Variants in CEP131 observed in about 807,000 individuals in gnomAD.
CEP131 encodes the protein centrosomal protein 131.
In CEP131, 99 loss-of-function variants were observed where a neutral mutation model predicts 136.8. The observed-to-expected ratio is 0.72, with a 90% CI of 0.62 to 0.86. The LOEUF (loss-of-function observed/expected upper bound fraction) is 0.86. Ranked by LOEUF, CEP131 falls within the 40% of genes least tolerant of loss-of-function variation. The pLI is 0.00. For missense variants in CEP131, 1,459 were observed against 1,463.0 expected (o/e 1.00, Z 0.04); for synonymous variants, 646 against 612.7 (o/e 1.05, Z -0.80).
intron 18 of CEP131, among the ~76,000 whole-genome samples, chr17:81,193,168 C>A (rs2061681198): frequency 6.6e-6 from 1 of 152,236 alleles, no homozygotes; most frequent in Non-Finnish European, 1.5e-5. Flanking sequence ...CAGCATTGCC[C>A]CACGGGCATG....
chr17:81,199,891 C>G, intron 8 of CEP131, 56 bp from the exon 9 acceptor site: 2 of 1,563,696 alleles, frequency 1.3e-6, no homozygotes. Context: ...GAATCCAGAC[C>G]CAGACCAGAG....
Position 81,192,605 on chromosome 17 carries a change from G to A in CEP131, c.2430-12C>T. 1.2e-6 allele frequency: 2 copies of A among 1,600,612 alleles called. No homozygotes were observed. The highest frequency in any genetic ancestry group is 1.7e-6 in the Non-Finnish European group (2 of 1,177,958). ...GCTCCGCCCGCTGCCTGCGGCCAGGGAGGAGTCAGCAGGTGAGGGGTCATC... is the reference window on the plus strand; with the variant it reads ...GCTCCGCCCGCTGCCTGCGGCCAGGAAGGAGTCAGCAGGTGAGGGGTCATC... On this transcript the variant is annotated splice_polypyrimidine_tract_variant and intron_variant, in intron 19 of 25. Transcript: ENST00000450824.
intron 13 of CEP131, 140 bp from the exon 14 acceptor site, chr17:81,197,195 G>A (rs1250974234): frequency 1.6e-6 from 2 of 1,265,266 alleles, no homozygotes; most frequent in Non-Finnish European, 2.1e-6. Flanking sequence ...CCGGAGGGCA[G>A]GTGGCAGGCG....
intron 5 of CEP131, among the ~76,000 whole-genome samples, chr17:81,204,376 C>T (rs1317477708): frequency 2.6e-5 from 4 of 152,140 alleles, no homozygotes; most frequent in South Asian, 2.1e-4. Context: ...GCAGTGCAAC[C>T]GGGCAGCCAG....
At chr17:81,214,187 C>T (rs1028462202) in intron 2 of CEP131, among the ~76,000 whole-genome samples, 4 of 152,214 alleles carry the variant, frequency 2.6e-5, no homozygotes, top group Non-Finnish European at 5.9e-5. Context: ...AGACTGGGTG[C>T]GGTACAGGGG....
At position 81,203,710 on chromosome 17, in the gene CEP131, T is replaced by C. The variant is rs2061945231; in HGVS notation, c.516-103A>G. Reference sequence around the variant, plus strand: ...ACGGGCTGGGAGGGAACAAAGGCCTTCAGTGCTTGCTACGTGCTGGCAGCA... The same window carrying C: ...ACGGGCTGGGAGGGAACAAAGGCCTCCAGTGCTTGCTACGTGCTGGCAGCA... On this transcript the variant is annotated intron_variant, in intron 5 of 25. Coordinates refer to ENST00000450824, the MANE Select transcript of CEP131 (RefSeq NM_014984.4). This position sits in a 1 kb window ranked among gnomAD's most constrained non-coding sequence, Gnocchi z 4.6. 2.4e-6 allele frequency: 2 copies of C among 846,598 alleles called. No homozygotes were observed. The highest frequency in any genetic ancestry group is 3.4e-5 in the African/African-American group (2 of 59,032). 52.4% of individuals were successfully genotyped at this position (846,598 alleles called of 1,614,324 possible).
At chr17:81,222,157 G>A (rs555040717) in intron 1 of CEP131, among the ~76,000 whole-genome samples, 1 of 152,210 alleles carries the variant, frequency 6.6e-6, no homozygotes, top group Non-Finnish European at 1.5e-5. Context: ...GATGGCGAAC[G>A]GGGCCTCTCC....
intron 10 of CEP131, 134 bp downstream of exon 10, chr17:81,199,247 C>T (rs2061836091): frequency 1.8e-6 from 2 of 1,105,528 alleles, no homozygotes; most frequent in Admixed American, 2.8e-5. Flanking sequence ...GGGGCCAAGG[C>T]CCCTAACTCC....
rs776115714 is a variant in CEP131 at position 81,192,304 on chromosome 17, G to A, written c.2622+14C>T. On this transcript the variant is annotated intron_variant, in intron 21 of 25. Transcript: ENST00000450824. Reference sequence around the variant, plus strand: ...GCCCCCAACCCCTGCCCACCTGGGTGCCCAGGCCCCCACCTCCTTCCTGGT... The same window carrying A: ...GCCCCCAACCCCTGCCCACCTGGGTACCCAGGCCCCCACCTCCTTCCTGGT... 4 of 1,548,992 alleles carry A rather than the reference G, an allele frequency of 2.6e-6. No individual in the cohort carries two copies. In the African/African-American group the frequency reaches 4.1e-5, roughly 16 times the overall value.
chr17:81,207,174 G>C lies in CEP131; in HGVS notation c.338C>G (p.Ala113Gly). Residue 113 changes from alanine (A) to glycine (G), a missense_variant, in exon 4 of 26, where the codon GCC becomes GGC. By Grantham distance (60) the Ala-to-Gly change is moderately conservative (BLOSUM62 0). Coordinates refer to ENST00000450824, the MANE Select transcript of CEP131 (RefSeq NM_014984.4). ...CTCGCTGGGGGCTGTGCTCAGGCTGGCAGGCCTCTTTTTCCCACTGGGGCT... is the reference window on the plus strand; with the variant it reads ...CTCGCTGGGGGCTGTGCTCAGGCTGCCAGGCCTCTTTTTCCCACTGGGGCT... ...EGSPSGKKRP[A>G]SLSTAPSEKG... 1 of 1,613,570 alleles carries C rather than the reference G, an allele frequency of 6.2e-7. No homozygotes were observed. Among genetic ancestry groups the C allele is most frequent in the Non-Finnish European group, 8.5e-7 (1 of 1,179,908 alleles).
Position 81,219,916 on chromosome 17 carries a change from G to A in CEP131, c.141C>T (p.Ser47=), listed in dbSNP as rs1317775018. Residue 47 remains serine, a synonymous_variant, in exon 2 of 26, where the codon TCC becomes TCT. Coordinates refer to ENST00000450824, the MANE Select transcript of CEP131 (RefSeq NM_014984.4). The surrounding 1 kb of genome is among the most constrained non-coding windows in gnomAD (Gnocchi z 4.0). ...ATTKPIVRSV[S]VVTGSEQKRK... ...TCTTCTGCTCGCTGCCTGTGACCAC[G>A]GAGACAGAGCGGACGATGGGCTTGG... 27 of 1,610,680 alleles carry A rather than the reference G, an allele frequency of 1.7e-5. No homozygotes were observed. The highest frequency in any genetic ancestry group is 6.7e-5 in the African/African-American group (5 of 74,724).
At position 81,207,808 on chromosome 17, in the gene CEP131, C is replaced by T. The variant is rs994240711; in HGVS notation, c.273-569G>A. 8.4e-5 allele frequency among the ~76,000 whole-genome samples: 12 copies of T among 142,320 alleles called. No homozygotes were observed. The South Asian group carries it at 2.2e-3, about 26-fold the overall frequency. 93.4% of individuals were successfully genotyped at this position (142,320 alleles called of 152,430 possible). A position where few individuals can be genotyped will look rare whatever the true frequency, so the allele number is the denominator to read the frequency against. On this transcript the variant is annotated intron_variant, in intron 3 of 25. Coordinates refer to ENST00000450824, the MANE Select transcript of CEP131 (RefSeq NM_014984.4). ...CACTGCCACCCTGCCCCATGGGAGGCCACAGCTGCGCCGAACACAACTGAT... is the reference window on the plus strand; with the variant it reads ...CACTGCCACCCTGCCCCATGGGAGGTCACAGCTGCGCCGAACACAACTGAT...
chr17:81,202,100 C>CA (rs548272114), intron 7 of CEP131, 140 bp downstream of exon 7: 159,578 of 391,454 alleles, frequency 0.41, 23,097 homozygotes, highest in East Asian at 0.59. Flanking sequence ...GACTCTGTCT[C>CA]AAAAAAAAAA....
chr17:81,193,407 G>A (rs1041893982), intron 18 of CEP131, among the ~76,000 whole-genome samples: 1 of 152,190 alleles, frequency 6.6e-6, no homozygotes, highest in Non-Finnish European at 1.5e-5. Flanking sequence ...TCCTGGTGGC[G>A]CAGACAGTGC....
Position 81,191,268 on chromosome 17 carries a change from A to G in CEP131, c.2690T>C (p.Ile897Thr). 2 of 1,613,438 alleles carry G rather than the reference A, an allele frequency of 1.2e-6. No individual in the cohort carries two copies. Among genetic ancestry groups the G allele is most frequent in the Non-Finnish European group, 8.5e-7 (1 of 1,179,926 alleles). ...CTCCAGCCGGTGAATGACCAGCTCA[A>G]TCTCCTTGTCCCGGCCTTTCCGGAT... is the stretch of plus-strand genomic sequence containing the variant. ...EEIRKGRDKEIELVIHRLEAD... is the reference protein window; with the variant it reads ...EEIRKGRDKETELVIHRLEAD... The change falls in exon 22 of 26, where the codon ATT (isoleucine) becomes ACT (threonine). Residue 897 changes from isoleucine (I) to threonine (T), a missense_variant. Transcript: ENST00000450824.
chr17:81,190,334 CG>C (rs2061610140), intron 24 of CEP131, among the ~76,000 whole-genome samples: 1 of 152,174 alleles, frequency 6.6e-6, no homozygotes, highest in Non-Finnish European at 1.5e-5. Flanking sequence ...GCTCTTTCAG[CG>C]CCTGTCCACC....
At chr17:81,204,676 C>G (rs2061964789) in intron 5 of CEP131, among the ~76,000 whole-genome samples, 1 of 152,140 alleles carries the variant, frequency 6.6e-6, no homozygotes, top group Admixed American at 6.5e-5. Flanking sequence ...TGCACGAAAC[C>G]TGCTCCTGCA....
intron 5 of CEP131, among the ~76,000 whole-genome samples, chr17:81,204,744 A>G (rs1420744781): frequency 1.3e-5 from 2 of 151,478 alleles, no homozygotes; most frequent in Admixed American, 6.6e-5. Flanking sequence ...ACCGGACCAC[A>G]CCTGCACCGG....
intron 7 of CEP131, among the ~76,000 whole-genome samples, chr17:81,200,896 G>C (rs1403821071): frequency 6.6e-6 from 1 of 152,182 alleles, no homozygotes; most frequent in Non-Finnish European, 1.5e-5. Context: ...GAACAGACTG[G>C]TGGCTGCTGG....
Sources: gnomAD v4.1 joint callset for allele counts (sites outside exome capture counted in the v4.1 genomes callset) on GRCh38, gnomAD v4.1.1 for gene constraint, Gnocchi (gnomAD v3.1) non-coding constraint, MANE v1.5 for transcripts, NCBI Gene and HGNC (gene_info 2026-07-23, HGNC 2026-07-21) for gene names.